The following RAB9B variants were observed in gnomAD, a reference collection of about 807,000 sequenced individuals.
RAB9B encodes ras-related protein Rab-9B.
A neutral mutation model predicts 8.9 loss-of-function variants in RAB9B; 1 was observed. The observed-to-expected ratio is 0.11, with a 90% CI of 0.04 to 0.53. The LOEUF (loss-of-function observed/expected upper bound fraction) is 0.53, where lower values mean the gene tolerates loss of function less well. RAB9B is among the 20% of genes least tolerant of loss of function. The pLI is 0.93. For synonymous variants in RAB9B, 63 were observed against 57.0 expected (o/e 1.10, Z -0.47); for missense variants, 82 against 152.9 (o/e 0.54, Z 2.45).
rs1466292144 is a variant in RAB9B, at chrX:103,824,806, T to C, written c.*373A>G. The C allele has an allele frequency of 8.6e-6, 1 of 116,010 alleles. No individual in the cohort carries two copies. Among genetic ancestry groups the C allele is most frequent in the Non-Finnish European group, 1.8e-5 (1 of 56,284 alleles). 9.6% of individuals were successfully genotyped at this position (116,010 alleles called of 1,213,427 possible). A position where few individuals can be genotyped will look rare whatever the true frequency, so the allele number is the denominator to read the frequency against. ...GAGTCTGATAGTGACATTTGTTAGT[T>C]GATTAATGGAACACTTTAAGAAATA... On this transcript the variant is annotated 3_prime_UTR_variant, in exon 3 of 3. Coordinates refer to ENST00000243298, the MANE Select transcript of RAB9B (RefSeq NM_016370.4).
chrX:103,807,364 T>G, the RAB9B span, among the ~76,000 whole-genome samples: 2 of 111,367 alleles, frequency 1.8e-5, no homozygotes, highest in Non-Finnish European at 3.8e-5. Context: ...AGACTACTCT[T>G]TAAAAAGGCA....
chrX:103,819,346 C>G (rs1048912965), downstream of RAB9B, among the ~76,000 whole-genome samples: 1 of 111,646 alleles, frequency 9.0e-6, no homozygotes, highest in East Asian at 2.8e-4. Context: ...AAGGAACTGA[C>G]AGATTACTTA....
At chrX:103,784,610 G>A in the RAB9B span, among the ~76,000 whole-genome samples, 5 of 111,875 alleles carry the variant, frequency 4.5e-5, no homozygotes, top group Non-Finnish European at 7.5e-5. Flanking sequence ...AAAATGTCCA[G>A]GAGCATCCAA....
chrX:103,828,079 A>G, intron 1 of RAB9B, among the ~76,000 whole-genome samples: 1 of 111,975 alleles, frequency 8.9e-6, no homozygotes, highest in Non-Finnish European at 1.9e-5. Context: ...AAGCAGCATC[A>G]AGAGTACTGG....
chrX:103,790,430 T>C, the RAB9B span: 5 of 663,050 alleles, frequency 7.5e-6, no homozygotes, highest in Non-Finnish European at 1.3e-5. Flanking sequence ...TATTTAGTTA[T>C]GATTTTATTT....
At chrX:103,827,210 T>C (rs995361511) in intron 1 of RAB9B, 132 bp from the exon 2 acceptor site, 1 of 108,361 alleles carries the variant, frequency 9.2e-6, no homozygotes, top group African/African-American at 3.3e-5. Context: ...CTACAGAGGG[T>C]GCTTTTCAAA....
the RAB9B span, chrX:103,787,812 C>T: frequency 8.3e-7 from 1 of 1,207,524 alleles, no homozygotes; most frequent in South Asian, 1.8e-5. Flanking sequence ...TGGGCATCAC[C>T]TATGCCCTGA....
At chrX:103,829,814 T>G (rs921457499) in intron 1 of RAB9B, among the ~76,000 whole-genome samples, 3 of 111,960 alleles carry the variant, frequency 2.7e-5, no homozygotes, top group African/African-American at 9.7e-5. Flanking sequence ...AATTCCTAGA[T>G]AGTAAGCTCA....
At chrX:103,788,765 G>T in the RAB9B span, 1 of 391,562 alleles carries the variant, frequency 2.6e-6, no homozygotes, top group Non-Finnish European at 4.4e-6. Context: ...GTAGCTTTAG[G>T]TAAAGATAGA....
downstream of RAB9B, among the ~76,000 whole-genome samples, chrX:103,820,559 C>T (rs1255979253): frequency 5.4e-5 from 6 of 111,786 alleles, no homozygotes; most frequent in South Asian, 3.8e-4. Flanking sequence ...AAAATGAGAC[C>T]GTACTGTTTC....
the RAB9B span, chrX:103,786,141 C>T: frequency 2.7e-6 from 3 of 1,102,474 alleles, no homozygotes; most frequent in Admixed American, 2.7e-5. Context: ...CCTTCACCCA[C>T]CTTTCTTCTT....
the RAB9B span, among the ~76,000 whole-genome samples, chrX:103,814,747 A>G: frequency 2.7e-5 from 3 of 112,103 alleles, no homozygotes; most frequent in Non-Finnish European, 5.6e-5. Context: ...AAAAAATGAT[A>G]AATGGGATAT....
chrX:103,778,423 A>T, the RAB9B span, among the ~76,000 whole-genome samples: 2 of 111,970 alleles, frequency 1.8e-5, no homozygotes, highest in African/African-American at 6.5e-5. Context: ...TGAATGTTGG[A>T]GGAACTCAAT....
the RAB9B span, among the ~76,000 whole-genome samples, chrX:103,780,433 C>CTGTGTG: frequency 3.4e-4 from 9 of 26,607 alleles, no homozygotes; most frequent in African/African-American, 8.7e-4. Flanking sequence ...TTCATTCTGT[C>CTGTGTG]TCTCTCTGTG....
the RAB9B span, among the ~76,000 whole-genome samples, chrX:103,814,322 T>C: frequency 3.6e-5 from 4 of 111,909 alleles, no homozygotes; most frequent in Non-Finnish European, 3.8e-5. Context: ...CTGAACAACC[T>C]GCTCCTGAAT....
the RAB9B span, among the ~76,000 whole-genome samples, chrX:103,794,560 A>C: frequency 8.9e-6 from 1 of 111,849 alleles, no homozygotes; most frequent in Non-Finnish European, 1.9e-5. Context: ...ACATATCAAA[A>C]CTGCACTTGT....
At chrX:103,815,161 T>G in the RAB9B span, among the ~76,000 whole-genome samples, 3 of 112,093 alleles carry the variant, frequency 2.7e-5, no homozygotes, top group African/African-American at 9.7e-5. Flanking sequence ...TAGGCCAGTA[T>G]CCCTGATGAA....
At chrX:103,799,316 C>T in the RAB9B span, among the ~76,000 whole-genome samples, 8 of 104,018 alleles carry the variant, frequency 7.7e-5, no homozygotes, top group East Asian at 1.7e-3. Flanking sequence ...TTGAAAGGCA[C>T]TTACTTTCTC....
the RAB9B span, chrX:103,786,414 G>T: frequency 4.3e-6 from 5 of 1,172,755 alleles, no homozygotes; most frequent in South Asian, 7.1e-5. Context: ...AAGAAGCCAG[G>T]TCTTCAATTA....
Sources: gnomAD v4.1 joint callset for allele counts (sites outside exome capture counted in the v4.1 genomes callset) on GRCh38, gnomAD v4.1.1 for gene constraint, MANE v1.5 for transcripts, NCBI Gene and HGNC (gene_info 2026-07-23, HGNC 2026-07-21) for gene names.